TMEM87A: variants seen among roughly 807,000 people sequenced by gnomAD.
TMEM87A encodes the protein Golgi-pH regulating cation channel.
Under a neutral mutation model 90.0 loss-of-function variants are expected in TMEM87A, and 50 were observed. The observed-to-expected ratio is 0.56, with a 90% CI of 0.44 to 0.70. TMEM87A has a LOEUF of 0.70. Ranked by LOEUF, TMEM87A falls within the 30% of genes least tolerant of loss-of-function variation. The pLI, the probability that TMEM87A is intolerant of heterozygous loss-of-function variation, is 0.00. For synonymous variants in TMEM87A, 226 were observed against 226.7 expected, an observed-to-expected ratio of 1.00 and a Z score of 0.03; for missense variants, 577 against 660.5, an observed-to-expected ratio of 0.87 and a Z score of 1.39.
chr15:42,273,346 C>T lies in TMEM87A; in HGVS notation c.53G>A (p.Gly18Glu), dbSNP rs771153563. ...AAACGACAGTGGTGACGGGTGAGCT[C>T]CCAGAAGCAGAAGAATGACAGGCAA... ...QVLPVILLLL[G>E]AHPSPLSFFS... The change falls in exon 1 of 20, where the codon GGA (glycine) becomes GAA (glutamate). Residue 18 changes from glycine (G) to glutamate (E), a missense_variant. Gly to Glu is a moderately conservative substitution (Grantham distance 98). Transcript: ENST00000389834. 3.7e-6 allele frequency: 6 copies of T among 1,614,106 alleles called. No individual in the cohort carries two copies. In the East Asian group the frequency reaches 8.9e-5, roughly 24 times the overall value.
chr15:42,267,620 A>C (rs1318453947), intron 3 of TMEM87A, among the ~76,000 whole-genome samples: 1 of 152,242 alleles, frequency 6.6e-6, no homozygotes, highest in Non-Finnish European at 1.5e-5. Flanking sequence ...TCTGGGAAAA[A>C]CAGTTATTTA....
At position 42,273,240 on chromosome 15, in the gene TMEM87A, G is replaced by A; in HGVS notation, c.144+15C>T. ...TGCTCCTCTAGGTTCAGACGTTAGT[G>A]AAGTGAATACTCACCGACGGTATCG... is the stretch of plus-strand genomic sequence containing the variant. On this transcript the variant is annotated intron_variant, in intron 1 of 19. Transcript: ENST00000389834. 1 of 1,613,066 alleles carries A rather than the reference G, an allele frequency of 6.2e-7. No homozygotes were observed. Among genetic ancestry groups the A allele is most frequent in the Non-Finnish European group, 8.5e-7 (1 of 1,179,234 alleles).
chr15:42,225,204 G>C (rs985630715), intron 15 of TMEM87A, among the ~76,000 whole-genome samples: 4 of 151,932 alleles, frequency 2.6e-5, no homozygotes, highest in African/African-American at 9.7e-5. Flanking sequence ...CTTTCATTGG[G>C]TCTGGTTATA....
chr15:42,216,325 G>A (rs529849622), intron 19 of TMEM87A, among the ~76,000 whole-genome samples: 4 of 152,258 alleles, frequency 2.6e-5, no homozygotes, highest in African/African-American at 9.6e-5. Flanking sequence ...GTGCTTATAC[G>A]TAATAATACT....
At chr15:42,273,098 C>T in intron 1 of TMEM87A, 157 bp downstream of exon 1, 1 of 892,692 alleles carries the variant, frequency 1.1e-6, no homozygotes, top group African/African-American at 1.7e-5. Flanking sequence ...GCTTTCCACT[C>T]CAGGGAGGTG....
chr15:42,258,380 T>C, intron 6 of TMEM87A: 1 of 670,122 alleles, frequency 1.5e-6, no homozygotes, highest in Non-Finnish European at 1.8e-6. Context: ...TCGTCTCCAT[T>C]TTCACAGTGA....
intron 7 of TMEM87A, among the ~76,000 whole-genome samples, chr15:42,239,961 T>G (rs1595726318): frequency 6.6e-6 from 1 of 152,176 alleles, no homozygotes; most frequent in Non-Finnish European, 1.5e-5. Context: ...CACCATAGTC[T>G]GAAGTGGGAA....
chr15:42,215,986 G>A (rs901646220), intron 19 of TMEM87A, among the ~76,000 whole-genome samples: 15 of 152,146 alleles, frequency 9.9e-5, no homozygotes, highest in Non-Finnish European at 1.9e-4. Context: ...GAAATAACCC[G>A]TGTCCACTGA....
intron 6 of TMEM87A, among the ~76,000 whole-genome samples, chr15:42,259,166 A>C (rs963837621): frequency 1.1e-4 from 17 of 152,182 alleles, no homozygotes; most frequent in Admixed American, 2.6e-4. Context: ...TCTGTTGCCT[A>C]GGCTGGAGTG....
At chr15:42,260,478 T>C (rs879883095) in intron 6 of TMEM87A, among the ~76,000 whole-genome samples, 9 of 152,234 alleles carry the variant, frequency 5.9e-5, no homozygotes, top group Non-Finnish European at 1.2e-4. Flanking sequence ...TAACCCAACA[T>C]TGATAGCTGT....
chr15:42,252,259 G>T (rs556433037), intron 6 of TMEM87A, among the ~76,000 whole-genome samples: 3 of 152,284 alleles, frequency 2.0e-5, no homozygotes, highest in Admixed American at 2.0e-4. Context: ...TGCACCCACT[G>T]TCCAACCATT....
intron 1 of TMEM87A, 34 bp downstream of exon 1, chr15:42,273,221 T>G: frequency 6.2e-7 from 1 of 1,612,786 alleles, no homozygotes; most frequent in Non-Finnish European, 8.5e-7. Context: ...CCCTTGCTCC[T>G]CTAGGTTCAG....
At chr15:42,231,444 C>T (rs1566927485) in intron 11 of TMEM87A, among the ~76,000 whole-genome samples, 184 bp from the exon 12 acceptor site, 1 of 152,196 alleles carries the variant, frequency 6.6e-6, no homozygotes, top group African/African-American at 2.4e-5. Flanking sequence ...ATAGAATATA[C>T]AGCTATAAGC....
chr15:42,224,723 T>G (rs2050558320), intron 15 of TMEM87A, among the ~76,000 whole-genome samples: 1 of 152,230 alleles, frequency 6.6e-6, no homozygotes, highest in African/African-American at 2.4e-5. Flanking sequence ...ATATTTATGC[T>G]ATCCATGAAA....
rs995271711 is a variant in TMEM87A at position 42,219,780 on chromosome 15, A to ATAC, written c.1478-141_1478-139dup. 2.8e-5 allele frequency: 19 copies of ATAC among 685,568 alleles called. No individual in the cohort carries two copies. The East Asian group carries it at 4.9e-4, about 18-fold the overall frequency. The allele number at this position is 685,568 out of a possible 1,614,324, so 42.5% of individuals were successfully genotyped here. On this transcript the variant is annotated intron_variant, in intron 16 of 19. Transcript: ENST00000389834. ...TCATAGTTTTATTTTAAGCTTCCTA[A>ATAC]TACTTGTGAAGTATACAACAGATGC... is the stretch of plus-strand genomic sequence containing the variant.
intron 10 of TMEM87A, among the ~76,000 whole-genome samples, chr15:42,235,092 G>A (rs2050747856): frequency 6.6e-6 from 1 of 152,290 alleles, no homozygotes; most frequent in South Asian, 2.1e-4. Flanking sequence ...AGGCTAGAGT[G>A]CAGTGGCATG....
At chr15:42,239,385 T>G (rs1223424773) in intron 8 of TMEM87A, among the ~76,000 whole-genome samples, 1 of 152,070 alleles carries the variant, frequency 6.6e-6, no homozygotes. Flanking sequence ...AGAGTTGTAG[T>G]AAAAAGTGCC....
chr15:42,232,484 CT>C (rs1194972171), intron 11 of TMEM87A, among the ~76,000 whole-genome samples: 7 of 151,128 alleles, frequency 4.6e-5, no homozygotes, highest in Non-Finnish European at 1.0e-4. Context: ...ATTTTTTTTT[CT>C]TTTTTTGAGA....
At chr15:42,244,344 T>C (rs1210517219) in intron 6 of TMEM87A, among the ~76,000 whole-genome samples, 177 bp from the exon 7 acceptor site, 2 of 152,154 alleles carry the variant, frequency 1.3e-5, no homozygotes, top group Non-Finnish European at 1.5e-5. Flanking sequence ...TAAAGTAGGC[T>C]AGATTATGAA....
Sources: allele counts gnomAD v4.1 joint callset (sites outside exome capture counted in the v4.1 genomes callset), GRCh38; gene constraint gnomAD v4.1.1; transcripts MANE v1.5; gene names NCBI Gene and HGNC (gene_info 2026-07-23, HGNC 2026-07-21).